Variants in PSD3 observed in about 807,000 individuals in gnomAD.
The protein encoded by PSD3 is pleckstrin and Sec7 domain containing 3, also known as PH and SEC7 domain-containing protein 3.
In PSD3, 49 loss-of-function variants were observed where a neutral mutation model predicts 105.5. That is an observed-to-expected ratio of 0.46 (90% CI 0.37 to 0.59). PSD3 has a LOEUF of 0.59. Ranked by LOEUF, PSD3 falls within the 20% of genes least tolerant of loss-of-function variation. The pLI is 0.00. For missense variants in PSD3, 1,561 were observed against 1,263.8 expected, an observed-to-expected ratio of 1.24 and a Z score of -3.57; for synonymous variants, 557 against 457.8, an observed-to-expected ratio of 1.22 and a Z score of -2.77.
intron 1 of PSD3, among the ~76,000 whole-genome samples, chr8:19,041,612 T>C (rs1312927470): frequency 3.9e-5 from 6 of 152,228 alleles, no homozygotes; most frequent in Admixed American, 3.3e-4. Context: ...CTCTTGCACT[T>C]ACCTGGGTTA....
At chr8:18,992,866 G>GT (rs67796970) in intron 1 of PSD3, among the ~76,000 whole-genome samples, 45,005 of 151,682 alleles carry the variant, frequency 0.3, 6,960 homozygotes, top group Non-Finnish European at 0.35. Context: ...TCTAAGGTCC[G>GT]TCTGAGCTCT....
chr8:18,947,682 G>C (rs1258987759), intron 1 of PSD3, among the ~76,000 whole-genome samples: 1 of 152,180 alleles, frequency 6.6e-6, no homozygotes, highest in African/African-American at 2.4e-5. Context: ...TCTTCCTTTG[G>C]TAACCTTCAT....
At chr8:18,724,128 G>A (rs887846913) in intron 9 of PSD3, among the ~76,000 whole-genome samples, 4 of 152,104 alleles carry the variant, frequency 2.6e-5, no homozygotes, top group African/African-American at 7.2e-5. Flanking sequence ...CCTAGGGTTT[G>A]GATTCTTTAT....
chr8:18,952,403 A>G (rs1173309855), intron 1 of PSD3, among the ~76,000 whole-genome samples: 2 of 152,226 alleles, frequency 1.3e-5, no homozygotes, highest in Admixed American at 6.5e-5. Flanking sequence ...CCAAATAATT[A>G]AATTTTAAGT....
intron 2 of PSD3, among the ~76,000 whole-genome samples, chr8:18,926,112 G>GTT (rs113558247): frequency 5.8e-4 from 83 of 143,972 alleles, no homozygotes; most frequent in East Asian, 4.1e-4. Context: ...ATGGTATGTT[G>GTT]TTTTTTTTTT....
intron 4 of PSD3, chr8:18,864,874 C>T (rs1247253819): frequency 6.6e-6 from 1 of 151,912 alleles, no homozygotes; most frequent in African/African-American, 2.4e-5. Context: ...TTTTAAAAGG[C>T]CAGCTCACTG....
At position 18,817,219 on chromosome 8, in the gene PSD3, A is replaced by G. The variant is rs1812289074; in HGVS notation, c.1635-12321T>C. ...ATTCTCCAACTTCCACAATCGGAGA[A>G]GGTACAACAATTTACAAAAGGTTAT... On this transcript the variant is annotated intron_variant, in intron 4 of 15. Coordinates refer to ENST00000327040, the MANE Select transcript of PSD3 (RefSeq NM_015310.4). Among the ~76,000 whole-genome samples, 3 of 152,350 alleles carry G rather than the reference A, an allele frequency of 2.0e-5. No homozygotes were observed. The South Asian group carries it at 6.2e-4, about 32-fold the overall frequency.
At chr8:18,751,082 G>A (rs543824237) in intron 9 of PSD3, among the ~76,000 whole-genome samples, 5 of 152,256 alleles carry the variant, frequency 3.3e-5, no homozygotes, top group African/African-American at 4.8e-5. Context: ...CCTGGGCGCC[G>A]TGCAGCAGGG....
At chr8:18,772,730 G>A (rs1285117656) in intron 8 of PSD3, among the ~76,000 whole-genome samples, 3 of 152,164 alleles carry the variant, frequency 2.0e-5, no homozygotes, top group East Asian at 1.9e-4. Context: ...GGCTGGTCTC[G>A]AACCCTTGAC....
At chr8:18,592,190 T>C (rs1183145497) in intron 12 of PSD3, among the ~76,000 whole-genome samples, 1 of 151,992 alleles carries the variant, frequency 6.6e-6, no homozygotes. Context: ...AGAGAAAATA[T>C]TTAAGGGAAC....
chr8:18,740,199 C>T (rs763291598), intron 9 of PSD3, among the ~76,000 whole-genome samples: 10 of 152,116 alleles, frequency 6.6e-5, no homozygotes, highest in Non-Finnish European at 1.3e-4. Flanking sequence ...CCGACTGGCC[C>T]GCAAAACTGG....
chr8:19,073,614 T>C (rs1829347432), intron 1 of PSD3, among the ~76,000 whole-genome samples: 1 of 146,338 alleles, frequency 6.8e-6, no homozygotes, highest in Non-Finnish European at 1.5e-5. Context: ...ATAATTGTCT[T>C]GTCTGAGAGG....
chr8:19,053,430 T>C (rs1208983784), intron 1 of PSD3, among the ~76,000 whole-genome samples: 3 of 152,176 alleles, frequency 2.0e-5, no homozygotes, highest in Non-Finnish European at 4.4e-5. Context: ...GCTTCATTTC[T>C]TATCAAATGA....
intron 12 of PSD3, among the ~76,000 whole-genome samples, chr8:18,576,307 C>T (rs1295899167): frequency 6.6e-6 from 1 of 152,086 alleles, no homozygotes; most frequent in Non-Finnish European, 1.5e-5. Context: ...TAAAGATTAT[C>T]CACATTTATA....
At chr8:18,960,749 C>CA (rs1380473970) in intron 1 of PSD3, among the ~76,000 whole-genome samples, 1 of 152,010 alleles carries the variant, frequency 6.6e-6, no homozygotes, top group African/African-American at 2.4e-5. Flanking sequence ...AGGAAAACAG[C>CA]AATTTATTTA....
chr8:18,913,068 AACACACACACACACACAAAC>A (rs1252215501), intron 2 of PSD3, among the ~76,000 whole-genome samples: 102 of 113,276 alleles, frequency 9.0e-4, no homozygotes, highest in African/African-American at 3.3e-3. Flanking sequence ...CAACTTTATA[AACACACACACACACACAAAC>A]ACACACACAC....
At chr8:18,945,137 C>T (rs2129469640) in intron 1 of PSD3, among the ~76,000 whole-genome samples, 1 of 152,220 alleles carries the variant, frequency 6.6e-6, no homozygotes, top group Admixed American at 6.5e-5. Flanking sequence ...AAAGGTCCTC[C>T]CCCACAAAAT....
At chr8:18,796,128 T>C (rs766144337) in intron 8 of PSD3, among the ~76,000 whole-genome samples, 1 of 152,012 alleles carries the variant, frequency 6.6e-6, no homozygotes, top group Admixed American at 6.6e-5. Flanking sequence ...AGGAAAATGA[T>C]ATATCAGTCA....
intron 11 of PSD3, among the ~76,000 whole-genome samples, chr8:18,610,416 A>T (rs1805172879): frequency 6.6e-6 from 1 of 152,152 alleles, no homozygotes; most frequent in Non-Finnish European, 1.5e-5. Context: ...GCTGTAACCA[A>T]CCCAGTTGTT....
Sources: allele counts gnomAD v4.1 joint callset (sites outside exome capture counted in the v4.1 genomes callset), GRCh38; gene constraint gnomAD v4.1.1; transcripts MANE v1.5; gene names NCBI Gene and HGNC (gene_info 2026-07-23, HGNC 2026-07-21).